Variants in ACACA observed in about 807,000 individuals in gnomAD.
The protein encoded by ACACA is acetyl-CoA carboxylase alpha, also known as acetyl-CoA carboxylase 1.
Under a neutral mutation model 296.1 loss-of-function variants are expected in ACACA, and 103 were observed. That is an observed-to-expected ratio of 0.35 (90% CI 0.30 to 0.41). ACACA has a LOEUF of 0.41. Ranked by LOEUF, ACACA falls within the 10% of genes least tolerant of loss-of-function variation. The pLI is 1.00. For synonymous variants in ACACA, 953 were observed against 1,038.6 expected (o/e 0.92, Z 1.58); for missense variants, 1,554 against 2,989.7 (o/e 0.52, Z 11.20).
At chr17:37,301,009 TTAAG>T (rs2083591113) in intron 3 of ACACA, among the ~76,000 whole-genome samples, 1 of 152,176 alleles carries the variant, frequency 6.6e-6, no homozygotes, top group Non-Finnish European at 1.5e-5. Flanking sequence ...TTACACACAC[TTAAG>T]TGTCTACAAA....
chr17:37,373,153 A>AT, intron 1 of ACACA, among the ~76,000 whole-genome samples: 1 of 152,244 alleles, frequency 6.6e-6, no homozygotes, highest in Middle Eastern at 3.4e-3. Flanking sequence ...TGCTGGGATT[A>AT]TGGGCGTGAG....
Position 37,247,830 on chromosome 17 carries a change from A to G in ACACA, c.2309+181T>C, listed in dbSNP as rs568004150. ...ACATACACTGGAGTGGTAGGGAGAC[A>G]TGTTTTTAATTATAAACACTTTAAT... On this transcript the variant is annotated intron_variant, in intron 18 of 55. Transcript: ENST00000616317. 4 of 671,818 alleles carry G rather than the reference A, an allele frequency of 6.0e-6. No homozygotes were observed. In the East Asian group the frequency reaches 8.1e-5, roughly 14 times the overall value. The allele number at this position is 671,818 out of a possible 1,614,324, so 41.6% of individuals were successfully genotyped here.
At chr17:37,278,558 A>T (rs761329816) in intron 5 of ACACA, among the ~76,000 whole-genome samples, 10 of 152,232 alleles carry the variant, frequency 6.6e-5, no homozygotes, top group Non-Finnish European at 1.2e-4. Context: ...TAGAAAGATA[A>T]CCACTTTCTC....
intron 1 of ACACA, among the ~76,000 whole-genome samples, chr17:37,400,054 G>C (rs1432298816): frequency 6.6e-6 from 1 of 151,898 alleles, no homozygotes; most frequent in East Asian, 1.9e-4. Flanking sequence ...TTATTTTTTT[G>C]TGTGGTAAGA....
intron 10 of ACACA, among the ~76,000 whole-genome samples, chr17:37,264,396 C>T (rs1212588404): frequency 2.0e-5 from 3 of 152,140 alleles, no homozygotes; most frequent in African/African-American, 7.2e-5. Context: ...TTTAAATAAT[C>T]CCAATGATTT....
At chr17:37,158,927 C>T (rs780363753) in intron 42 of ACACA, among the ~76,000 whole-genome samples, 14 of 152,036 alleles carry the variant, frequency 9.2e-5, no homozygotes, top group Non-Finnish European at 2.1e-4. Flanking sequence ...CCTATAATCT[C>T]AGCACTTGGG....
At chr17:37,164,241 T>C (rs945559096) in intron 41 of ACACA, among the ~76,000 whole-genome samples, 3 of 151,990 alleles carry the variant, frequency 2.0e-5, no homozygotes, top group Non-Finnish European at 2.9e-5. Context: ...AGAAGGGCCA[T>C]TAACAGATGT....
At chr17:37,250,835 C>A (rs1384270988) in intron 16 of ACACA, among the ~76,000 whole-genome samples, 1 of 151,936 alleles carries the variant, frequency 6.6e-6, no homozygotes, top group African/African-American at 2.4e-5. Flanking sequence ...ACCATCCTGG[C>A]TAACACGGTG....
rs199899443 is a variant in ACACA, at chr17:37,270,844, T to C, written c.1026A>G (p.Gly342=). 4.0e-5 allele frequency: 65 copies of C among 1,613,350 alleles called. No homozygotes were observed. The East Asian group carries it at 5.8e-4, about 14-fold the overall frequency. ...DDGLQAAEEV[G]YPVMIKASEG... is the part of the protein sequence containing the mutation. The stretch of plus-strand genomic sequence containing the variant: ...CTGAGGCCTTGATCATTACTGGATA[T>C]CCAACTTCCTCAGCTGCCTTCAAAA... The change falls in exon 10 of 56, where the codon GGA becomes GGG. Residue 342 remains glycine (G), a synonymous_variant. Coordinates refer to ENST00000616317, the MANE Select transcript of ACACA (RefSeq NM_198834.3).
chr17:37,160,530 C>G (rs187866916), intron 42 of ACACA, among the ~76,000 whole-genome samples: 4 of 152,226 alleles, frequency 2.6e-5, no homozygotes, highest in Admixed American at 2.0e-4. Flanking sequence ...AAACCGTCAT[C>G]CAGGAGGTTG....
chr17:37,273,583 T>C (rs74706498), intron 9 of ACACA, among the ~76,000 whole-genome samples: 2,828 of 152,318 alleles, frequency 0.019, 64 homozygotes, highest in Admixed American at 0.079. Flanking sequence ...CATATGCTCT[T>C]TGTCAGCTCT....
chr17:37,165,396 T>C lies in ACACA; in HGVS notation c.5080-3346A>G, dbSNP rs193019336. Among the ~76,000 whole-genome samples, 5 of 152,314 alleles carry C rather than the reference T, an allele frequency of 3.3e-5. No individual in the cohort carries two copies. In the East Asian group the frequency reaches 9.6e-4, roughly 29 times the overall value. ...ACTTATATTAACTAACTGTGTGATC[T>C]TAAGAAAATTATTTAATTTTACTGA... On this transcript the variant is annotated intron_variant, in intron 41 of 55. Transcript: ENST00000616317.
intron 47 of ACACA, among the ~76,000 whole-genome samples, chr17:37,126,314 A>G (rs972341699): frequency 6.6e-6 from 1 of 152,220 alleles, no homozygotes; most frequent in Non-Finnish European, 1.5e-5. Flanking sequence ...CTCCGCTACA[A>G]AAGCAACAAG....
At chr17:37,088,387 T>C (rs2072369603) in intron 55 of ACACA, among the ~76,000 whole-genome samples, 1 of 152,204 alleles carries the variant, frequency 6.6e-6, no homozygotes, top group South Asian at 2.1e-4. Context: ...ATAAGTGATA[T>C]AGCAACGGGG....
chr17:37,167,443 C>G (rs1231920813), intron 41 of ACACA, among the ~76,000 whole-genome samples: 2 of 150,796 alleles, frequency 1.3e-5, no homozygotes, highest in Non-Finnish European at 3.0e-5. Flanking sequence ...CTCAGCCTCC[C>G]AAGTAACTAG....
At chr17:37,099,560 AGGAGGGCTGATGGCG>A (rs1305352472) in intron 52 of ACACA, among the ~76,000 whole-genome samples, 7 of 86,968 alleles carry the variant, frequency 8.0e-5, no homozygotes, top group East Asian at 3.7e-4. Flanking sequence ...GGCTGATGGC[AGGAGGGCTGATGGCG>A]GGAGGGCTGA....
rs376268815 is a variant in ACACA at position 37,330,260 on chromosome 17, C to G, written c.251G>C (p.Gly84Ala). Residue 84 changes from glycine (G) to alanine (A), a missense_variant, in exon 3 of 56, where the codon GGC (glycine) becomes GCC (alanine). This residue lies in a region of ACACA where 140 missense variants were observed against 147.7 expected (regional missense o/e 0.95). Coordinates refer to ENST00000616317, the MANE Select transcript of ACACA (RefSeq NM_198834.3). ...VKLDLLEEKE[G>A]SLSPASVGSD... is the part of the protein sequence containing the mutation. ...GCCAACAGAAGCAGGTGACAAGGAG[C>G]CCTCCTTCTCCTCCAGTAGGTCCAA... The G allele has an allele frequency of 6.2e-7, 1 of 1,614,174 alleles. No homozygotes were observed. The highest frequency in any genetic ancestry group is 1.1e-5 in the South Asian group (1 of 91,076).
At chr17:37,390,648 A>G (rs2050841690) in intron 1 of ACACA, among the ~76,000 whole-genome samples, 2 of 150,842 alleles carry the variant, frequency 1.3e-5, no homozygotes, top group African/African-American at 2.4e-5. Flanking sequence ...AAAAAAAAAA[A>G]GCCAGCTGGT....
Position 37,248,134 on chromosome 17 carries a change from G to A in ACACA, c.2186C>T (p.Ser729Phe), listed in dbSNP as rs1291512101. 1 of 1,614,218 alleles carries A rather than the reference G, an allele frequency of 6.2e-7. No individual in the cohort carries two copies. Among genetic ancestry groups the A allele is most frequent in the South Asian group, 1.1e-5 (1 of 91,084 alleles). ...TGAGCCATTCATGATCACCACATAGGAGTTGGGGGACTGTCGAGTCACCTG... is the reference window on the plus strand; with the variant it reads ...TGAGCCATTCATGATCACCACATAGAAGTTGGGGGACTGTCGAGTCACCTG... The part of the protein sequence containing the change: ...VLKVTRQSPN[S>F]YVVIMNGSCV... The change falls in exon 18 of 56, where the codon TCC becomes TTC. Residue 729 changes from serine (S) to phenylalanine (F), a missense_variant. Ser to Phe is a radical substitution (Grantham distance 155). Coordinates refer to ENST00000616317, the MANE Select transcript of ACACA (RefSeq NM_198834.3).
Sources: allele counts gnomAD v4.1 joint callset (sites outside exome capture counted in the v4.1 genomes callset), GRCh38; gene constraint gnomAD v4.1.1; regional missense constraint gnomAD v4.1.1; transcripts MANE v1.5; gene names NCBI Gene and HGNC (gene_info 2026-07-23, HGNC 2026-07-21).